Variants in PDE11A observed in about 807,000 individuals in gnomAD.
PDE11A encodes phosphodiesterase 11A.
In PDE11A, 100 loss-of-function variants were observed where a neutral mutation model predicts 100.5. That is an observed-to-expected ratio of 1.00 (90% confidence interval 0.85 to 1.18). PDE11A has a LOEUF of 1.18. Among genes scored for constraint, PDE11A ranks in the 50% most tolerant of loss-of-function variants. The pLI is 0.00. For missense variants in PDE11A, 1,141 were observed against 1,152.6 expected (o/e 0.99, Z 0.15); for synonymous variants, 381 against 420.8 (o/e 0.91, Z 1.16).
At chr2:177,793,640 A>C (rs2082663222) in intron 9 of PDE11A, among the ~76,000 whole-genome samples, 2 of 151,948 alleles carry the variant, frequency 1.3e-5, no homozygotes, top group Admixed American at 6.6e-5. Flanking sequence ...AAGGAGCCAT[A>C]CACCAGAGAC....
At chr2:178,011,290 A>G (rs1393974388) in intron 2 of PDE11A, among the ~76,000 whole-genome samples, 1 of 152,158 alleles carries the variant, frequency 6.6e-6, no homozygotes, top group Non-Finnish European at 1.5e-5. Flanking sequence ...GCGGTCATTG[A>G]CCAAATCCTG....
intron 2 of PDE11A, among the ~76,000 whole-genome samples, chr2:177,964,761 A>G (rs1166921314): frequency 6.6e-6 from 1 of 151,458 alleles, no homozygotes; most frequent in Non-Finnish European, 1.5e-5. Context: ...GTGTATATCC[A>G]TGTCCATCAC....
intron 1 of PDE11A, among the ~76,000 whole-genome samples, chr2:178,066,731 C>T (rs1403430443): frequency 3.3e-5 from 5 of 152,184 alleles, no homozygotes; most frequent in African/African-American, 1.2e-4. Flanking sequence ...TGTGGCCCTC[C>T]TCACCCAGAG....
intron 9 of PDE11A, among the ~76,000 whole-genome samples, chr2:177,774,313 T>G (rs1406767189): frequency 6.6e-6 from 1 of 152,180 alleles, no homozygotes; most frequent in Non-Finnish European, 1.5e-5. Flanking sequence ...CATATCCCAT[T>G]TACTCCTCAA....
intron 10 of PDE11A, among the ~76,000 whole-genome samples, chr2:177,759,525 C>T (rs1261686599): frequency 2.0e-5 from 3 of 152,146 alleles, no homozygotes; most frequent in Non-Finnish European, 4.4e-5. Flanking sequence ...TGTTATCTTT[C>T]GTACAAGGTA....
intron 13 of PDE11A, among the ~76,000 whole-genome samples, chr2:177,707,981 G>A: frequency 6.6e-6 from 1 of 152,164 alleles, no homozygotes; most frequent in East Asian, 1.9e-4. Flanking sequence ...GGGGGCTGGA[G>A]AGAGCATGCT....
intron 9 of PDE11A, among the ~76,000 whole-genome samples, chr2:177,771,182 CCTT>C (rs753276596): frequency 1.3e-5 from 2 of 152,218 alleles, no homozygotes; most frequent in Non-Finnish European, 2.9e-5. Context: ...AATGCTAACT[CCTT>C]CTTCACCTAC....
intron 9 of PDE11A, among the ~76,000 whole-genome samples, chr2:177,784,566 G>A (rs1179950258): frequency 6.6e-6 from 1 of 152,098 alleles, no homozygotes; most frequent in Non-Finnish European, 1.5e-5. Flanking sequence ...CTGCCTATGG[G>A]GTAGCCACCC....
chr2:177,709,260 G>A (rs16865711), intron 13 of PDE11A, among the ~76,000 whole-genome samples: 2,515 of 152,304 alleles, frequency 0.017, 64 homozygotes, highest in African/African-American at 0.057. Context: ...GGTCAGCTTT[G>A]TGAATTAGAA....
intron 6 of PDE11A, among the ~76,000 whole-genome samples, chr2:177,836,170 A>G (rs950532508): frequency 1.3e-5 from 2 of 152,192 alleles, no homozygotes; most frequent in African/African-American, 4.8e-5. Context: ...CTTTATGTCT[A>G]GCTAAAGGAT....
At chr2:177,751,902 T>G (rs141894603) in intron 10 of PDE11A, among the ~76,000 whole-genome samples, 1 of 152,188 alleles carries the variant, frequency 6.6e-6, no homozygotes, top group Non-Finnish European at 1.5e-5. Context: ...CTTGAGGTGA[T>G]TCTTCTGTTC....
At chr2:177,938,968 G>A (rs998387749) in intron 2 of PDE11A, among the ~76,000 whole-genome samples, 7 of 152,184 alleles carry the variant, frequency 4.6e-5, no homozygotes, top group Admixed American at 1.3e-4. Context: ...ATGGCCAGTG[G>A]CACACCAAGG....
At chr2:177,854,181 T>C (rs2083787413) in intron 5 of PDE11A, among the ~76,000 whole-genome samples, 1 of 151,936 alleles carries the variant, frequency 6.6e-6, no homozygotes, top group African/African-American at 2.4e-5. Context: ...TCAGTACTTA[T>C]TCACATGGCT....
chr2:177,627,110 T>A lies in PDE11A; in HGVS notation c.*2297A>T, dbSNP rs1250630951. 7.8e-6 allele frequency: 1 copy of A among 127,980 alleles called. No individual in the cohort carries two copies. The highest frequency in any genetic ancestry group is 1.6e-5 in the Non-Finnish European group (1 of 63,674). 7.9% of individuals were successfully genotyped at this position (127,980 alleles called of 1,614,324 possible). The stretch of plus-strand genomic sequence containing the variant: ...GGGCAGTGACGTGATCTCGACTCAC[T>A]GCAAGCTCCGCCTCGCGGGTTCCCG... On this transcript the variant is annotated 3_prime_UTR_variant, in exon 20 of 20. Coordinates refer to ENST00000286063, the MANE Select transcript of PDE11A (RefSeq NM_016953.4).
chr2:177,777,463 G>A (rs2082393735), intron 9 of PDE11A, among the ~76,000 whole-genome samples: 1 of 151,906 alleles, frequency 6.6e-6, no homozygotes, highest in Non-Finnish European at 1.5e-5. Context: ...CTAAAAATCA[G>A]GCAAATTTCT....
chr2:177,961,219 C>T (rs2085628156), intron 2 of PDE11A, among the ~76,000 whole-genome samples: 1 of 152,104 alleles, frequency 6.6e-6, no homozygotes, highest in African/African-American at 2.4e-5. Flanking sequence ...ACTCCAAACT[C>T]TTTCTCTGTC....
At chr2:177,763,910 G>A (rs2082204322) in intron 10 of PDE11A, among the ~76,000 whole-genome samples, 1 of 152,196 alleles carries the variant, frequency 6.6e-6, no homozygotes, top group Admixed American at 6.5e-5. Flanking sequence ...CCAGCCAAGA[G>A]AAGGGGGGCA....
intron 2 of PDE11A, among the ~76,000 whole-genome samples, chr2:177,950,654 GTAATCCCAGCAC>G (rs1326427307): frequency 6.6e-6 from 1 of 152,224 alleles, no homozygotes. Flanking sequence ...TCTCACGCCT[GTAATCCCAGCAC>G]TTTGGGAGGC....
chr2:177,650,634 A>AC, intron 19 of PDE11A, among the ~76,000 whole-genome samples: 1 of 152,202 alleles, frequency 6.6e-6, no homozygotes, highest in South Asian at 2.1e-4. Context: ...TCCTTTTAAA[A>AC]TTTTTTTCCT....
Sources: gnomAD v4.1 joint callset for allele counts (sites outside exome capture counted in the v4.1 genomes callset) on GRCh38, gnomAD v4.1.1 for gene constraint, MANE v1.5 for transcripts, NCBI Gene and HGNC (gene_info 2026-07-23, HGNC 2026-07-21) for gene names.